PARPBP: variants seen among roughly 807,000 people sequenced by gnomAD.
The protein encoded by PARPBP is PCNA-interacting partner.
A neutral mutation model predicts 50.0 loss-of-function variants in PARPBP; 52 were observed. That is an observed-to-expected ratio of 1.04 (90% confidence interval 0.83 to 1.31). PARPBP has a LOEUF of 1.31. Ranked by LOEUF, PARPBP falls within the 50% of genes most tolerant of loss-of-function variation. PARPBP has a pLI of 0.00. For synonymous variants in PARPBP, 244 were observed against 232.1 expected (o/e 1.05, Z -0.47); for missense variants, 697 against 672.0 (o/e 1.04, Z -0.41).
chr12:102,165,684 TAATA>T (rs1888066168), intron 5 of PARPBP, 41 bp from the exon 6 acceptor site: 5 of 1,465,076 alleles, frequency 3.4e-6, no homozygotes, highest in East Asian at 4.6e-5. Context: ...AATTACAGTT[TAATA>T]AATCACTGGA....
intron 4 of PARPBP, among the ~76,000 whole-genome samples, chr12:102,161,399 C>G (rs554717128): frequency 4.9e-4 from 75 of 152,166 alleles, no homozygotes; most frequent in Non-Finnish European, 8.8e-4. Flanking sequence ...AGCCACCACA[C>G]CCAGCCTCAG....
At chr12:102,142,916 C>T (rs1487532685) in intron 2 of PARPBP, among the ~76,000 whole-genome samples, 1 of 152,202 alleles carries the variant, frequency 6.6e-6, no homozygotes, top group Non-Finnish European at 1.5e-5. Context: ...GGAGGTGCCT[C>T]CCACTTAGGC....
intron 2 of PARPBP, among the ~76,000 whole-genome samples, chr12:102,126,453 A>T (rs1040970000): frequency 1.2e-4 from 18 of 152,200 alleles, no homozygotes; most frequent in African/African-American, 4.1e-4. Context: ...CTGCAAATCA[A>T]GTTAGCCATA....
chr12:102,126,621 TATTAAAA>T (rs1397802095), intron 2 of PARPBP, among the ~76,000 whole-genome samples: 6 of 152,104 alleles, frequency 3.9e-5, no homozygotes, highest in Admixed American at 3.9e-4. Context: ...ACCTTGTCTC[TATTAAAA>T]ATTAAAAAAT....
At chr12:102,151,707 G>A in intron 3 of PARPBP, 1 of 1,535,670 alleles carries the variant, frequency 6.5e-7, no homozygotes, top group Non-Finnish European at 8.7e-7. Flanking sequence ...TCTTAGCATG[G>A]AGCTGGTCCC....
rs1890890121 is a variant in PARPBP, at chr12:102,192,532, C to T, written c.1264-2780C>T. Among the ~76,000 whole-genome samples, 3 of 152,070 alleles carry T rather than the reference C, an allele frequency of 2.0e-5. No homozygotes were observed. The South Asian group carries it at 6.2e-4, about 31-fold the overall frequency. On this transcript the variant is annotated intron_variant, in intron 9 of 10. Coordinates refer to ENST00000327680, the MANE Select transcript of PARPBP (RefSeq NM_017915.5). ...CAGTCAAGTTCATATCAATTTAAATCTCTAGGTCTTTTACATATGTTGTTT... is the reference window on the plus strand; with the variant it reads ...CAGTCAAGTTCATATCAATTTAAATTTCTAGGTCTTTTACATATGTTGTTT...
chr12:102,153,644 A>G (rs1459824522), intron 3 of PARPBP, among the ~76,000 whole-genome samples: 1 of 151,862 alleles, frequency 6.6e-6, no homozygotes, highest in Non-Finnish European at 1.5e-5. Flanking sequence ...CTGACCCTAA[A>G]CTCTTTCTTT....
chr12:102,161,595 A>G (rs1252571444), intron 4 of PARPBP, among the ~76,000 whole-genome samples: 1 of 152,132 alleles, frequency 6.6e-6, no homozygotes, highest in Admixed American at 6.6e-5. Flanking sequence ...GCTCTCATGG[A>G]ACTCACAAAG....
chr12:102,184,662 C>A (rs540011026), intron 9 of PARPBP, among the ~76,000 whole-genome samples: 2 of 152,164 alleles, frequency 1.3e-5, no homozygotes, highest in African/African-American at 4.8e-5. Flanking sequence ...TTAGTCTATA[C>A]AGCTCTGAAT....
At chr12:102,128,006 C>A (rs1882274620) in intron 2 of PARPBP, among the ~76,000 whole-genome samples, 1 of 152,178 alleles carries the variant, frequency 6.6e-6, no homozygotes, top group African/African-American at 2.4e-5. Flanking sequence ...CATTACCTCA[C>A]ATTCTTAACA....
chr12:102,171,856 G>A (rs1440395535), intron 6 of PARPBP, among the ~76,000 whole-genome samples: 28 of 149,352 alleles, frequency 1.9e-4, no homozygotes, highest in African/African-American at 3.0e-4. Flanking sequence ...GCAACAGAAC[G>A]AGACTCCGCC....
At chr12:102,179,672 A>G (rs77860119) in intron 8 of PARPBP, among the ~76,000 whole-genome samples, 3,935 of 152,208 alleles carry the variant, frequency 0.026, 146 homozygotes, top group African/African-American at 0.078. Flanking sequence ...ATTACCTCCT[A>G]AAAGGCCCAA....
chr12:102,128,044 A>G (rs1882281173), intron 2 of PARPBP, among the ~76,000 whole-genome samples: 1 of 152,196 alleles, frequency 6.6e-6, no homozygotes, highest in Non-Finnish European at 1.5e-5. Context: ...ATTAAAATGT[A>G]TTCTCTGAAC....
intron 6 of PARPBP, among the ~76,000 whole-genome samples, chr12:102,173,469 A>G (rs150175664): frequency 1.4e-4 from 21 of 152,208 alleles, no homozygotes; most frequent in African/African-American, 4.8e-4. Context: ...GACTAATTAT[A>G]TAGAAAACTC....
intron 4 of PARPBP, among the ~76,000 whole-genome samples, chr12:102,156,861 C>T (rs1594544399): frequency 2.0e-5 from 3 of 152,214 alleles, no homozygotes; most frequent in South Asian, 4.1e-4. Flanking sequence ...AGGCTGGCTT[C>T]GAACTCCTGA....
chr12:102,145,326 T>G (rs1319961843), intron 2 of PARPBP, among the ~76,000 whole-genome samples: 1 of 152,164 alleles, frequency 6.6e-6, no homozygotes, highest in Non-Finnish European at 1.5e-5. Flanking sequence ...TACTAAAATA[T>G]TAAAGGAACT....
At chr12:102,157,012 A>G (rs1282791548) in intron 4 of PARPBP, among the ~76,000 whole-genome samples, 1 of 152,238 alleles carries the variant, frequency 6.6e-6, no homozygotes, top group Non-Finnish European at 1.5e-5. Context: ...TGTTCCAGTA[A>G]GTTAACACAT....
intron 6 of PARPBP, among the ~76,000 whole-genome samples, chr12:102,169,083 A>G (rs1888432596): frequency 6.6e-6 from 1 of 152,082 alleles, no homozygotes; most frequent in African/African-American, 2.4e-5. Flanking sequence ...GTCAATATTT[A>G]TTTGATTGTC....
chr12:102,175,709 TTA>T (rs763214786), intron 7 of PARPBP, 43 bp downstream of exon 7: 3 of 1,223,304 alleles, frequency 2.5e-6, no homozygotes, highest in Admixed American at 4.5e-5. Context: ...ATACAAATCA[TTA>T]TCTCTTCTAT....
Sources: gnomAD v4.1 joint callset for allele counts (sites outside exome capture counted in the v4.1 genomes callset) on GRCh38, gnomAD v4.1.1 for gene constraint, MANE v1.5 for transcripts, NCBI Gene and HGNC (gene_info 2026-07-23, HGNC 2026-07-21) for gene names.